Variants in TBC1D22A observed in about 807,000 individuals in gnomAD.
The protein encoded by TBC1D22A is TBC1 domain family member 22A.
In TBC1D22A, 38 loss-of-function variants were observed where a neutral mutation model predicts 60.2. The observed-to-expected ratio is 0.63, with a 90% CI of 0.49 to 0.83. TBC1D22A has a LOEUF of 0.83. Ranked by LOEUF, TBC1D22A falls within the 40% of genes least tolerant of loss-of-function variation. The pLI is 0.00. For missense variants in TBC1D22A, 628 were observed against 701.0 expected, an observed-to-expected ratio of 0.90 and a Z score of 1.18; for synonymous variants, 302 against 281.7, an observed-to-expected ratio of 1.07 and a Z score of -0.72.
At chr22:46,848,284 C>T (rs1027448806) in intron 4 of TBC1D22A, among the ~76,000 whole-genome samples, 4 of 152,218 alleles carry the variant, frequency 2.6e-5, no homozygotes, top group East Asian at 3.8e-4. Context: ...TCCACCCTTG[C>T]GGGCATAAAT....
At chr22:47,119,981 A>G (rs1475832505) in intron 12 of TBC1D22A, among the ~76,000 whole-genome samples, 1 of 152,160 alleles carries the variant, frequency 6.6e-6, no homozygotes, top group Non-Finnish European at 1.5e-5. Flanking sequence ...CACCCATCCC[A>G]TTCATGAGGC....
In TBC1D22A at chr22:47,039,673, G is replaced by A. The variant is rs529079864; in HGVS notation, c.1329+2475G>A. Among the ~76,000 whole-genome samples the A allele has an allele frequency of 2.7e-5, 4 of 145,842 alleles. No individual in the cohort carries two copies. In the South Asian group the frequency reaches 6.6e-4, roughly 24 times the overall value. On this transcript the variant is annotated intron_variant, in intron 11 of 12. Transcript: ENST00000337137. The stretch of plus-strand genomic sequence containing the variant: ...GAATGGCCCTGCTCCCCCAGGGGTC[G>A]CGTGCTCCCTCATGGATGCGTGCAT...
chr22:47,066,318 C>G (rs775373484), intron 11 of TBC1D22A, among the ~76,000 whole-genome samples: 1 of 152,224 alleles, frequency 6.6e-6, no homozygotes, highest in South Asian at 2.1e-4. Context: ...GGGTGGCACC[C>G]ACGAGGGGGG....
Position 46,982,777 on chromosome 22 carries a change from G to A in TBC1D22A, c.1125+8378G>A, listed in dbSNP as rs567142783. The stretch of plus-strand genomic sequence containing the variant: ...TCAGGAGCCTAAACTAGGTGGTGGC[G>A]GGACAGGCATTGGCGGGCAGGTGCA... On this transcript the variant is annotated intron_variant, in intron 9 of 12. Transcript: ENST00000337137. Among the ~76,000 whole-genome samples, 13 of 152,310 alleles carry A rather than the reference G, an allele frequency of 8.5e-5. No individual in the cohort carries two copies. In the East Asian group the frequency reaches 2.3e-3, roughly 27 times the overall value.
At chr22:46,765,878 C>T (rs2083264329) in intron 1 of TBC1D22A, among the ~76,000 whole-genome samples, 1 of 150,496 alleles carries the variant, frequency 6.6e-6, no homozygotes, top group African/African-American at 2.5e-5. Context: ...CCTCCTGGGT[C>T]CCGGTTGAAG....
At chr22:47,057,050 G>A (rs2063417677) in intron 11 of TBC1D22A, among the ~76,000 whole-genome samples, 6 of 152,232 alleles carry the variant, frequency 3.9e-5, no homozygotes, top group Admixed American at 2.6e-4. Flanking sequence ...CCTGGCAGGT[G>A]CCTGACCCTG....
At chr22:47,004,803 A>G (rs936184661) in intron 10 of TBC1D22A, among the ~76,000 whole-genome samples, 2 of 148,694 alleles carry the variant, frequency 1.3e-5, no homozygotes, top group African/African-American at 5.0e-5. Flanking sequence ...CTCCTACACA[A>G]ATGCCTGTAC....
At chr22:47,004,895 A>G (rs2061532277) in intron 10 of TBC1D22A, among the ~76,000 whole-genome samples, 1 of 151,756 alleles carries the variant, frequency 6.6e-6, no homozygotes. Context: ...ACACACCCCT[A>G]TATATACATA....
chr22:47,136,844 C>A (rs5766692), intron 12 of TBC1D22A, among the ~76,000 whole-genome samples: 51,651 of 151,874 alleles, frequency 0.34, 9,123 homozygotes, highest in East Asian at 0.6. Context: ...CCTGTTGCAT[C>A]GGTAGGGTGG....
At position 46,942,027 on chromosome 22, in the gene TBC1D22A, T is replaced by A. The variant is rs563474230; in HGVS notation, c.1015+29839T>A. 2.5e-3 allele frequency among the ~76,000 whole-genome samples: 179 copies of A among 71,528 alleles called. 2 individuals carry two copies. Among genetic ancestry groups the A allele is most frequent in the African/African-American group, 8.8e-3 (160 of 18,090 alleles). The allele number at this position is 71,528 out of a possible 152,430, so 46.9% of individuals were successfully genotyped here. On this transcript the variant is annotated intron_variant, in intron 8 of 12. Transcript: ENST00000337137. ...AGCATACATATATATATATATATAT[T>A]ATATATATATATACACACAGTCCAC...
At position 47,170,886 on chromosome 22, in the gene TBC1D22A, C is replaced by T. The variant is rs2068418902; in HGVS notation, c.1426-2612C>T. 1.3e-5 allele frequency among the ~76,000 whole-genome samples: 2 copies of T among 150,438 alleles called. 1 individual carries two copies. The highest frequency in any genetic ancestry group is 1.3e-4 in the Admixed American group (2 of 15,138). On this transcript the variant is annotated intron_variant, in intron 12 of 12. Coordinates refer to ENST00000337137, the MANE Select transcript of TBC1D22A (RefSeq NM_014346.5). ...GAGGACAGTCCTGGTGTGTAACCCT[C>T]CTGATGCAGGACCGGAGAGAGGGCA...
At chr22:46,981,721 C>T (rs2074519288) in intron 9 of TBC1D22A, among the ~76,000 whole-genome samples, 1 of 152,214 alleles carries the variant, frequency 6.6e-6, no homozygotes, top group Non-Finnish European at 1.5e-5. Context: ...CCATGCTGAA[C>T]TGTGAGTCAG....
intron 11 of TBC1D22A, among the ~76,000 whole-genome samples, chr22:47,067,215 G>A (rs150491012): frequency 0.012 from 1,771 of 152,252 alleles, 29 homozygotes; most frequent in African/African-American, 0.04. Flanking sequence ...GCAGTGAGCC[G>A]AGATGGTGCC....
chr22:47,061,823 C>G (rs964319708), intron 11 of TBC1D22A, among the ~76,000 whole-genome samples: 12 of 152,154 alleles, frequency 7.9e-5, no homozygotes, highest in African/African-American at 2.9e-4. Context: ...TGTGGTGGCT[C>G]ATGCCTGTAA....
chr22:46,822,994 G>A (rs935168256), intron 4 of TBC1D22A, among the ~76,000 whole-genome samples: 1 of 152,168 alleles, frequency 6.6e-6, no homozygotes, highest in Admixed American at 6.5e-5. Flanking sequence ...TAGGGTAAAG[G>A]ACAGCAAGAG....
At chr22:47,044,429 C>T (rs148131760) in intron 11 of TBC1D22A, among the ~76,000 whole-genome samples, 25 of 152,308 alleles carry the variant, frequency 1.6e-4, no homozygotes, top group African/African-American at 5.1e-4. Flanking sequence ...CTCCAAGTAC[C>T]GCACCTGCTG....
rs1403856330 is a variant in TBC1D22A at position 46,776,267 on chromosome 22, T to TA, written c.62+13420dup. Among the ~76,000 whole-genome samples, 7 of 151,844 alleles carry TA rather than the reference T, an allele frequency of 4.6e-5. 1 individual carries two copies. The highest frequency in any genetic ancestry group is 4.6e-4 in the Admixed American group (7 of 15,246). ...TGAACACAGCCTGAGTGAGGAGGAGTACAGGGTGTGTTTGGGAGCCTGGCG... is the reference window on the plus strand; with the variant it reads ...TGAACACAGCCTGAGTGAGGAGGAGTAACAGGGTGTGTTTGGGAGCCTGGCG... On this transcript the variant is annotated intron_variant, in intron 1 of 12. Transcript: ENST00000337137.
At chr22:46,933,948 C>G (rs1371549228) in intron 8 of TBC1D22A, among the ~76,000 whole-genome samples, 1 of 152,192 alleles carries the variant, frequency 6.6e-6, no homozygotes, top group African/African-American at 2.4e-5. Flanking sequence ...AGCGTTTAGC[C>G]TTTTCACACT....
intron 10 of TBC1D22A, among the ~76,000 whole-genome samples, chr22:47,015,095 A>G (rs553270199): frequency 1.3e-5 from 2 of 152,342 alleles, no homozygotes; most frequent in South Asian, 4.1e-4. Context: ...CTGCGGGACA[A>G]ACTGGACGCA....
Sources: allele counts gnomAD v4.1 joint callset (sites outside exome capture counted in the v4.1 genomes callset), GRCh38; gene constraint gnomAD v4.1.1; transcripts MANE v1.5; gene names NCBI Gene and HGNC (gene_info 2026-07-23, HGNC 2026-07-21).